The following EXOC6B variants were observed in gnomAD, a reference collection of about 807,000 sequenced individuals.
The protein encoded by EXOC6B is exocyst complex component 6B.
Under a neutral mutation model 113.5 loss-of-function variants are expected in EXOC6B, and 54 were observed. The observed-to-expected ratio is 0.48, with a 90% CI of 0.38 to 0.60. The LOEUF is 0.60. EXOC6B is among the 20% of genes least tolerant of loss of function. The pLI, the probability that EXOC6B is intolerant of heterozygous loss-of-function variation, is 0.00. For missense variants in EXOC6B, 797 were observed against 977.5 expected, an observed-to-expected ratio of 0.82 and a Z score of 2.46; for synonymous variants, 357 against 339.0, an observed-to-expected ratio of 1.05 and a Z score of -0.58.
At chr2:72,453,946 C>T (rs1348097161) in intron 18 of EXOC6B, among the ~76,000 whole-genome samples, 1 of 152,160 alleles carries the variant, frequency 6.6e-6, no homozygotes, top group Non-Finnish European at 1.5e-5. Flanking sequence ...CAGAAAGTAC[C>T]TCTTCATAGG....
At chr2:72,821,472 C>T (rs1053658151) in intron 1 of EXOC6B, among the ~76,000 whole-genome samples, 1 of 151,960 alleles carries the variant, frequency 6.6e-6, no homozygotes, top group African/African-American at 2.4e-5. Context: ...CTCCTAGGTA[C>T]ATACTCAACA....
chr2:72,334,768 T>C (rs540791429), intron 20 of EXOC6B, among the ~76,000 whole-genome samples, 179 bp downstream of exon 20: 13 of 122,916 alleles, frequency 1.1e-4, no homozygotes, highest in Non-Finnish European at 1.6e-4. Context: ...AACTCCACCA[T>C]AGCTAAGGAT....
intron 20 of EXOC6B, among the ~76,000 whole-genome samples, chr2:72,295,696 G>A (rs1686089269): frequency 1.3e-5 from 2 of 152,182 alleles, no homozygotes; most frequent in Admixed American, 6.6e-5. Flanking sequence ...ACTGCATGCT[G>A]TATGATTGAA....
chr2:72,630,844 G>GA (rs542956172), intron 6 of EXOC6B, among the ~76,000 whole-genome samples: 17 of 152,062 alleles, frequency 1.1e-4, no homozygotes, highest in Admixed American at 1.1e-3. Flanking sequence ...TTGTGCCATG[G>GA]AAAAAAAATT....
chr2:72,404,393 G>A (rs1693576248), intron 18 of EXOC6B, among the ~76,000 whole-genome samples: 1 of 152,228 alleles, frequency 6.6e-6, no homozygotes, highest in Non-Finnish European at 1.5e-5. Context: ...GGAGATCTGA[G>A]AATGGACAGA....
intron 11 of EXOC6B, among the ~76,000 whole-genome samples, chr2:72,508,741 T>C (rs1700743798): frequency 6.6e-6 from 1 of 151,986 alleles, no homozygotes; most frequent in Admixed American, 6.6e-5. Flanking sequence ...ACCATTGTGC[T>C]CCAGCCTGGG....
At chr2:72,679,812 T>C (rs1407679554) in intron 6 of EXOC6B, among the ~76,000 whole-genome samples, 2 of 152,198 alleles carry the variant, frequency 1.3e-5, no homozygotes, top group Admixed American at 1.3e-4. Context: ...AAACAATGAT[T>C]CTGGTGGTAT....
intron 20 of EXOC6B, among the ~76,000 whole-genome samples, chr2:72,289,283 T>C (rs1200725577): frequency 1.3e-5 from 2 of 152,234 alleles, no homozygotes. Context: ...CATGAGTATA[T>C]TCACTTTGCG....
intron 17 of EXOC6B, among the ~76,000 whole-genome samples, chr2:72,479,756 T>C (rs1698963621): frequency 1.3e-5 from 2 of 152,202 alleles, no homozygotes; most frequent in Admixed American, 1.3e-4. Context: ...GAAACTCATC[T>C]ACCATCAATC....
At chr2:72,661,290 A>G (rs1163609091) in intron 6 of EXOC6B, among the ~76,000 whole-genome samples, 1 of 152,062 alleles carries the variant, frequency 6.6e-6, no homozygotes. Context: ...AATGGCACAT[A>G]AAGATTACGA....
intron 1 of EXOC6B, among the ~76,000 whole-genome samples, chr2:72,803,490 G>A (rs1460813292): frequency 2.0e-5 from 3 of 152,024 alleles, no homozygotes; most frequent in African/African-American, 4.8e-5. Flanking sequence ...CTTCATTTAC[G>A]AAATTGTGAA....
intron 6 of EXOC6B, among the ~76,000 whole-genome samples, chr2:72,715,498 T>A (rs1441389950): frequency 6.7e-6 from 1 of 149,024 alleles, no homozygotes; most frequent in East Asian, 1.9e-4. Context: ...AATATATATA[T>A]GAAAACAAGG....
chr2:72,807,619 T>C (rs1433342402), intron 1 of EXOC6B, among the ~76,000 whole-genome samples: 1 of 152,126 alleles, frequency 6.6e-6, no homozygotes, highest in Non-Finnish European at 1.5e-5. Context: ...GATGAATGGA[T>C]AATGAAAATG....
intron 17 of EXOC6B, among the ~76,000 whole-genome samples, chr2:72,469,167 T>C (rs1698243854): frequency 6.6e-6 from 1 of 152,110 alleles, no homozygotes. Flanking sequence ...TAAAAATGCA[T>C]AATGTCACTA....
chr2:72,643,508 C>G (rs995002790), intron 6 of EXOC6B, among the ~76,000 whole-genome samples: 7 of 147,770 alleles, frequency 4.7e-5, no homozygotes, highest in Non-Finnish European at 1.0e-4. Context: ...TAAACTATCG[C>G]AAGAACAAAA....
rs558997367 is a variant in EXOC6B, at chr2:72,474,491, G to T, written c.1800+6125C>A. Among the ~76,000 whole-genome samples, 7 of 151,702 alleles carry T rather than the reference G, an allele frequency of 4.6e-5. No homozygotes were observed. In the East Asian group the frequency reaches 1.4e-3, roughly 29 times the overall value. On this transcript the variant is annotated intron_variant, in intron 17 of 21. Coordinates refer to ENST00000272427, the MANE Select transcript of EXOC6B (RefSeq NM_015189.3). ...TGTTTTTTCTTTTATTTTATATAAA[G>T]AATTATCTTCTAGATCTGAAATTCT... is the stretch of plus-strand genomic sequence containing the variant.
At chr2:72,279,371 A>G (rs1362709806) in intron 20 of EXOC6B, among the ~76,000 whole-genome samples, 9 of 152,174 alleles carry the variant, frequency 5.9e-5, no homozygotes. Context: ...TCCTTAAATT[A>G]GAATTTAAAT....
chr2:72,298,848 G>C (rs1248817099), intron 20 of EXOC6B, among the ~76,000 whole-genome samples: 2 of 152,204 alleles, frequency 1.3e-5, no homozygotes, highest in African/African-American at 2.4e-5. Context: ...TCTGCAGAGA[G>C]ATCCGCTGTT....
At chr2:72,631,453 TATATATATAGAGAGAG>T (rs1241598508) in intron 6 of EXOC6B, among the ~76,000 whole-genome samples, 6 of 33,958 alleles carry the variant, frequency 1.8e-4, no homozygotes, top group Non-Finnish European at 2.9e-4. Context: ...TATATATATA[TATATATATAGAGAGAG>T]AGAGAGAGAG....
Sources: allele counts gnomAD v4.1 joint callset (sites outside exome capture counted in the v4.1 genomes callset), GRCh38; gene constraint gnomAD v4.1.1; transcripts MANE v1.5; gene names NCBI Gene and HGNC (gene_info 2026-07-23, HGNC 2026-07-21).